The following LINGO2 variants were observed in gnomAD, a reference collection of about 807,000 sequenced individuals.
The protein encoded by LINGO2 is leucine rich repeat and Ig domain containing 2, also known as leucine-rich repeat and immunoglobulin-like domain-containing nogo receptor-interacting protein 2.
In LINGO2, 14 loss-of-function variants were observed where a neutral mutation model predicts 30.6. The ratio of observed to expected loss-of-function variants is 0.46; its 90% CI spans 0.30 to 0.72. The LOEUF (loss-of-function observed/expected upper bound fraction) is 0.72, where lower values mean the gene tolerates loss of function less well. Ranked by LOEUF, LINGO2 falls within the 30% of genes least tolerant of loss-of-function variation. The probability of loss-of-function intolerance (pLI) is 0.07; values close to 1 mark genes in which losing one functional copy is unlikely to be tolerated. For missense variants in LINGO2, 729 were observed against 751.7 expected (o/e 0.97, Z 0.35); for synonymous variants, 317 against 288.5 (o/e 1.10, Z -1.00).
At chr9:28,978,525 G>A in the LINGO2 span, among the ~76,000 whole-genome samples, 2 of 152,012 alleles carry the variant, frequency 1.3e-5, no homozygotes, top group African/African-American at 4.8e-5. Flanking sequence ...ATGCTCTAGA[G>A]ATTGCTGACA....
intron 2 of LINGO2, among the ~76,000 whole-genome samples, chr9:28,410,619 G>A (rs144303319): frequency 9.0e-4 from 137 of 152,140 alleles, no homozygotes; most frequent in African/African-American, 3.0e-3. Context: ...CCAGTGGCTC[G>A]TTATCACCAA....
At chr9:28,548,301 A>G (rs1218606099) in intron 1 of LINGO2, among the ~76,000 whole-genome samples, 2 of 152,156 alleles carry the variant, frequency 1.3e-5, no homozygotes, top group African/African-American at 4.8e-5. Context: ...ATATTCCCAT[A>G]GTAGACAAGG....
chr9:28,855,390 A>C, the LINGO2 span, among the ~76,000 whole-genome samples: 1 of 152,016 alleles, frequency 6.6e-6, no homozygotes, highest in Non-Finnish European at 1.5e-5. Flanking sequence ...TGCATTCGTA[A>C]CCAGAAGCCA....
intron 1 of LINGO2, among the ~76,000 whole-genome samples, chr9:28,571,871 C>T (rs547132154): frequency 2.6e-5 from 4 of 152,182 alleles, no homozygotes; most frequent in African/African-American, 4.8e-5. Context: ...AGGAACAGAT[C>T]GGCAAATTGA....
chr9:28,280,580 G>GTGTGT (rs1823285605), intron 4 of LINGO2, among the ~76,000 whole-genome samples: 1 of 152,090 alleles, frequency 6.6e-6, no homozygotes, highest in Non-Finnish European at 1.5e-5. Flanking sequence ...TTAAGACAAT[G>GTGTGT]TCCTTTTACT....
chr9:29,138,650 A>G, the LINGO2 span, among the ~76,000 whole-genome samples: 1 of 152,312 alleles, frequency 6.6e-6, no homozygotes, highest in South Asian at 2.1e-4. Flanking sequence ...TTTAAAATTT[A>G]AAAACTTTCT....
At chr9:28,729,482 A>G in the LINGO2 span, among the ~76,000 whole-genome samples, 1 of 152,154 alleles carries the variant, frequency 6.6e-6, no homozygotes, top group Non-Finnish European at 1.5e-5. Flanking sequence ...ACAACAAACA[A>G]ACAAACAAAA....
chr9:28,849,529 A>G, the LINGO2 span, among the ~76,000 whole-genome samples: 3 of 152,034 alleles, frequency 2.0e-5, no homozygotes, highest in Admixed American at 2.0e-4. Flanking sequence ...CTTTATATCT[A>G]TATCCATATA....
chr9:28,484,015 TA>T (rs1372549014), intron 1 of LINGO2, among the ~76,000 whole-genome samples: 1 of 152,096 alleles, frequency 6.6e-6, no homozygotes, highest in Admixed American at 6.6e-5. Context: ...TATACCAGGC[TA>T]AGCTTTATCT....
the LINGO2 span, among the ~76,000 whole-genome samples, chr9:29,035,303 G>C: frequency 1.3e-5 from 2 of 151,968 alleles, no homozygotes; most frequent in Non-Finnish European, 2.9e-5. Context: ...ATTTAAGATA[G>C]AAGTAGTGGA....
intron 4 of LINGO2, among the ~76,000 whole-genome samples, chr9:28,151,083 T>C (rs1827986337): frequency 6.6e-6 from 1 of 152,144 alleles, no homozygotes; most frequent in Admixed American, 6.5e-5. Flanking sequence ...CCTGAGAAAG[T>C]AAATACTCGA....
the LINGO2 span, among the ~76,000 whole-genome samples, chr9:28,900,547 C>T: frequency 3.7e-4 from 57 of 152,274 alleles, no homozygotes; most frequent in Admixed American, 6.5e-4. Context: ...TCTCTGCATA[C>T]CCGGGTGCCA....
At chr9:28,183,022 G>A (rs1819413148) in intron 4 of LINGO2, among the ~76,000 whole-genome samples, 1 of 152,068 alleles carries the variant, frequency 6.6e-6, no homozygotes, top group African/African-American at 2.4e-5. Flanking sequence ...GTTTATCACA[G>A]CACTATTTAC....
intron 4 of LINGO2, among the ~76,000 whole-genome samples, chr9:28,127,322 G>T (rs566438955): frequency 2.0e-5 from 3 of 152,192 alleles, no homozygotes; most frequent in Admixed American, 6.5e-5. Flanking sequence ...ACAGCCACAT[G>T]TAAAGTACAA....
At chr9:28,545,667 A>T (rs908848626) in intron 1 of LINGO2, among the ~76,000 whole-genome samples, 4 of 151,922 alleles carry the variant, frequency 2.6e-5, no homozygotes, top group South Asian at 2.1e-4. Flanking sequence ...GAGGGGGGGA[A>T]CTTTTAGTGG....
chr9:28,394,081 C>T (rs1454069233), intron 2 of LINGO2, among the ~76,000 whole-genome samples: 1 of 151,896 alleles, frequency 6.6e-6, no homozygotes, highest in Non-Finnish European at 1.5e-5. Context: ...ATAATGTTTT[C>T]ATGAGAGTCT....
At chr9:28,256,181 C>T (rs1822377457) in intron 4 of LINGO2, among the ~76,000 whole-genome samples, 1 of 151,918 alleles carries the variant, frequency 6.6e-6, no homozygotes, top group African/African-American at 2.4e-5. Context: ...GTAAGCGGCC[C>T]TCACCCCTTG....
chr9:29,163,141 T>A, the LINGO2 span, among the ~76,000 whole-genome samples: 5 of 152,178 alleles, frequency 3.3e-5, no homozygotes, highest in East Asian at 9.6e-4. Flanking sequence ...CAAAACTACA[T>A]CTTAACACTA....
the LINGO2 span, among the ~76,000 whole-genome samples, chr9:29,188,222 T>TA: frequency 1.3e-5 from 2 of 151,820 alleles, no homozygotes; most frequent in East Asian, 3.9e-4. Context: ...TGATGACTCT[T>TA]AACGAGCATG....
Sources: gnomAD v4.1 joint callset for allele counts (sites outside exome capture counted in the v4.1 genomes callset) on GRCh38, gnomAD v4.1.1 for gene constraint, MANE v1.5 for transcripts, NCBI Gene and HGNC (gene_info 2026-07-23, HGNC 2026-07-21) for gene names.